Variants in MACF1 observed in about 807,000 individuals in gnomAD.
The protein encoded by MACF1 is microtubule actin crosslinking factor 1, also known as microtubule-actin cross-linking factor 1.
MACF1 carries 193 observed loss-of-function variants against 854.8 expected under a neutral mutation model. The observed-to-expected ratio is 0.23, with a 90% CI of 0.20 to 0.25. The LOEUF is 0.25. Among genes scored for constraint, MACF1 ranks in the 10% least tolerant of loss-of-function variants. The pLI, the probability that MACF1 is intolerant of heterozygous loss-of-function variation, is 1.00. For synonymous variants in MACF1, 3,185 were observed against 3,226.7 expected (o/e 0.99, Z 0.44); for missense variants, 7,722 against 8,929.1 (o/e 0.86, Z 5.45).
intron 15 of MACF1, 147 bp downstream of exon 15, chr1:39,287,709 G>C: frequency 1.1e-6 from 1 of 918,726 alleles, no homozygotes; most frequent in Non-Finnish European, 1.6e-6. Flanking sequence ...GTCTTGCTAT[G>C]TTGCCCAGGC....
At chr1:39,197,864 C>T (rs180857476) in intron 2 of MACF1, among the ~76,000 whole-genome samples, 143 of 152,188 alleles carry the variant, frequency 9.4e-4, no homozygotes, top group Non-Finnish European at 1.5e-3. Context: ...CTGGCCTGGG[C>T]GACAGAGCGA....
chr1:39,332,958 G>A lies in MACF1; in HGVS notation c.6370G>A (p.Glu2124Lys). 6.2e-7 allele frequency: 1 copy of A among 1,614,142 alleles called. No individual in the cohort carries two copies. The highest frequency in any genetic ancestry group is 1.3e-5 in the African/African-American group (1 of 75,048). Reference protein sequence around the residue: ...REDQTAVSVRENASRGHLLTI... With the variant: ...REDQTAVSVRKNASRGHLLTI... ...AGACCAAACAGCAGTGTCTGTCAGA[G>A]AAAATGCCAGCAGGGGACACCTCCT... The change falls in exon 37 of 101, where the codon GAA (glutamate) becomes AAA (lysine). Residue 2124 changes from glutamate (E) to lysine (K), a missense_variant. Glu to Lys is a moderately conservative substitution (Grantham distance 56). Around this residue, in one of 15 missense-constraint regions of MACF1, gnomAD observed 1,531 missense variants for 1,601.6 expected, o/e 0.96. Coordinates refer to ENST00000564288, the MANE Select transcript of MACF1 (RefSeq NM_001394062.1).
chr1:39,332,428 C>T lies in MACF1; in HGVS notation c.5840C>T (p.Pro1947Leu), dbSNP rs749521103. 4.3e-5 allele frequency: 69 copies of T among 1,613,872 alleles called. No individual in the cohort carries two copies. Among genetic ancestry groups the T allele is most frequent in the African/African-American group, 5.3e-5 (4 of 74,880 alleles). The change falls in exon 37 of 101, where the codon CCG (proline) becomes CTG (leucine). Residue 1947 changes from proline to leucine, a missense_variant. Transcript: ENST00000564288. ...QNINPGAAVLPCSKSHPKATA... is the reference protein window; with the variant it reads ...QNINPGAAVLLCSKSHPKATA... ...ATTAATCCTGGAGCAGCAGTTCTAC[C>T]GTGCAGCAAGAGCCACCCTAAGGCC...
chr1:39,282,360 C>T lies in MACF1; in HGVS notation c.681C>T (p.Leu227=). 2 of 1,613,876 alleles carry T rather than the reference C, an allele frequency of 1.2e-6. No individual in the cohort carries two copies. Among genetic ancestry groups the T allele is most frequent in the Non-Finnish European group, 1.7e-6 (2 of 1,179,872 alleles). Residue 227 remains leucine, a synonymous_variant, in exon 7 of 101, where the codon CTC becomes CTT. Coordinates refer to ENST00000564288, the MANE Select transcript of MACF1 (RefSeq NM_001394062.1). ...GTGATGGGAAGATGTTCAATGCACT[C>T]ATTCACCGATACCGGTAAGAACAGT... is the stretch of plus-strand genomic sequence containing the variant. ...CWSDGKMFNA[L]IHRYRPDLVD... is the part of the protein sequence containing the mutation.
chr1:39,112,494 A>G (rs1197076494), intron 2 of MACF1, among the ~76,000 whole-genome samples: 3 of 152,172 alleles, frequency 2.0e-5, no homozygotes, highest in African/African-American at 7.2e-5. Context: ...ACCAGTCAAC[A>G]CGGTGAAACC....
intron 2 of MACF1, among the ~76,000 whole-genome samples, chr1:39,111,389 T>C (rs1221679175): frequency 6.6e-6 from 1 of 151,738 alleles, no homozygotes; most frequent in East Asian, 1.9e-4. Flanking sequence ...TTTATTTATT[T>C]ATTTATTTTT....
intron 2 of MACF1, among the ~76,000 whole-genome samples, chr1:39,101,969 G>C (rs1450571954): frequency 2.0e-5 from 3 of 151,572 alleles, no homozygotes; most frequent in African/African-American, 7.3e-5. Flanking sequence ...GAGGTCAGGA[G>C]ATCGAGACCA....
intron 6 of MACF1, among the ~76,000 whole-genome samples, chr1:39,258,499 G>C (rs1266926248): frequency 6.6e-6 from 1 of 152,192 alleles, no homozygotes; most frequent in Non-Finnish European, 1.5e-5. Flanking sequence ...GTTTGTATAT[G>C]TGCTGGCAAG....
At position 39,241,121 on chromosome 1, in the gene MACF1, C is replaced by T. The variant is rs1254332156; in HGVS notation, c.172-8893C>T. On this transcript the variant is annotated intron_variant, in intron 2 of 100. Transcript: ENST00000564288. Reference sequence around the variant, plus strand: ...TTGGCCAATGAATCAATATCGGTTTCTGTTTTTACAATTTGGAGATCTGCC... The same window carrying T: ...TTGGCCAATGAATCAATATCGGTTTTTGTTTTTACAATTTGGAGATCTGCC... Among the ~76,000 whole-genome samples, 3 of 146,364 alleles carry T rather than the reference C, an allele frequency of 2.0e-5. No homozygotes were observed. In the Admixed American group the frequency reaches 2.1e-4, roughly 10 times the overall value.
At chr1:39,458,219 A>G in intron 89 of MACF1, 151 bp from the exon 90 acceptor site, 2 of 646,918 alleles carry the variant, frequency 3.1e-6, no homozygotes, top group Non-Finnish European at 5.3e-6. Context: ...TATCCAAACT[A>G]CATCCCTCAG....
At chr1:39,360,121 T>G (rs1648047316) in intron 47 of MACF1, among the ~76,000 whole-genome samples, 1 of 141,730 alleles carries the variant, frequency 7.1e-6, no homozygotes. Context: ...ATCGTATACT[T>G]GAAAATGGCT....
Position 39,370,178 on chromosome 1 carries a change from C to T in MACF1, c.13087C>T (p.His4363Tyr), listed in dbSNP as rs1649103278. Residue 4363 changes from histidine (H) to tyrosine (Y), a missense_variant, in exon 51 of 101, where the codon CAC becomes TAC. Coordinates refer to ENST00000564288, the MANE Select transcript of MACF1 (RefSeq NM_001394062.1). ...TAAAGAGTTAGAAAAGCAGATTGAA[C>T]ACCTGAAGGTAGGTGAACAAAGGGA... The part of the protein sequence containing the change: ...SAKELEKQIE[H>Y]LKSLLDDWAS... 4.3e-6 allele frequency: 7 copies of T among 1,611,594 alleles called. No homozygotes were observed. Among genetic ancestry groups the T allele is most frequent in the Non-Finnish European group, 5.9e-6 (7 of 1,178,958 alleles).
At chr1:39,395,000 G>T (rs566636827) in intron 58 of MACF1, among the ~76,000 whole-genome samples, 1 of 152,080 alleles carries the variant, frequency 6.6e-6, no homozygotes, top group African/African-American at 2.4e-5. Flanking sequence ...ATAGGAACTA[G>T]GGTCCAAGGA....
Position 39,424,150 on chromosome 1 carries a change from T to A in MACF1, c.16272T>A (p.Ser5424Arg), listed in dbSNP as rs777959684. Residue 5424 changes from serine to arginine, a missense_variant, in exon 61 of 101, where the codon AGT becomes AGA. Physicochemically the swap from Ser to Arg is moderately radical, Grantham distance 110. Coordinates refer to ENST00000564288, the MANE Select transcript of MACF1 (RefSeq NM_001394062.1). ...DREKITGQLE[S>R]LESRWTELLS... ...AGAAAATCACTGGACAGCTGGAGAG[T>A]CTTGAAAGTAGATGGACTGAACTAC... 1 of 1,612,176 alleles carries A rather than the reference T, an allele frequency of 6.2e-7. No homozygotes were observed. The highest frequency in any genetic ancestry group is 8.5e-7 in the Non-Finnish European group (1 of 1,179,660).
In MACF1 at chr1:39,316,752, T is replaced by G. The variant is rs1473650431; in HGVS notation, c.3588+223T>G. ...GGACTAGGTTTTTCTATTTATTTTT[T>G]CCCTTTTCACCTTAATAAAATCATG... On this transcript the variant is annotated intron_variant, in intron 28 of 100. Coordinates refer to ENST00000564288, the MANE Select transcript of MACF1 (RefSeq NM_001394062.1). Among the ~76,000 whole-genome samples, 50 of 152,352 alleles carry G rather than the reference T, an allele frequency of 3.3e-4. 1 individual carries two copies. Among genetic ancestry groups the G allele is most frequent in the Non-Finnish European group, 3.1e-4 (21 of 68,032 alleles).
intron 2 of MACF1, among the ~76,000 whole-genome samples, chr1:39,239,171 T>C (rs1400189329): frequency 6.6e-6 from 1 of 152,050 alleles, no homozygotes; most frequent in Non-Finnish European, 1.5e-5. Flanking sequence ...ATCCCAGCTA[T>C]TTGGGAGGCT....
intron 1 of MACF1, among the ~76,000 whole-genome samples, chr1:39,216,132 T>C (rs1644574970): frequency 1.3e-5 from 2 of 151,316 alleles, no homozygotes; most frequent in African/African-American, 2.4e-5. Flanking sequence ...GAGACATCAA[T>C]TCTCTGTAAA....
chr1:39,159,007 C>T (rs1468555105), intron 2 of MACF1, among the ~76,000 whole-genome samples: 2 of 152,174 alleles, frequency 1.3e-5, no homozygotes, highest in Non-Finnish European at 2.9e-5. Context: ...TGGAGGGACT[C>T]AACAACCTTA....
intron 6 of MACF1, among the ~76,000 whole-genome samples, chr1:39,264,876 T>G (rs188843633): frequency 7.8e-4 from 118 of 151,662 alleles, no homozygotes; most frequent in Admixed American, 2.6e-3. Flanking sequence ...GGGTTTCACC[T>G]TGTTAGCCAG....
Sources: gnomAD v4.1 joint callset for allele counts (sites outside exome capture counted in the v4.1 genomes callset) on GRCh38, gnomAD v4.1.1 for gene constraint, gnomAD v4.1.1 regional missense constraint, MANE v1.5 for transcripts, NCBI Gene and HGNC (gene_info 2026-07-23, HGNC 2026-07-21) for gene names.